The following EPHA3 variants were observed in gnomAD, a reference collection of about 807,000 sequenced individuals.
EPHA3 encodes the protein EPH receptor A3, also known as ephrin type-A receptor 3.
In EPHA3, 42 loss-of-function variants were observed where a neutral mutation model predicts 107.1. The ratio of observed to expected loss-of-function variants is 0.39; its 90% confidence interval spans 0.31 to 0.51. The LOEUF (loss-of-function observed/expected upper bound fraction) is 0.51, where lower values mean the gene tolerates loss of function less well. EPHA3 is among the 20% of genes least tolerant of loss of function. EPHA3 has a pLI of 0.78. For synonymous variants in EPHA3, 461 were observed against 424.8 expected (o/e 1.09, Z -1.05); for missense variants, 1,183 against 1,211.2 (o/e 0.98, Z 0.35).
intron 3 of EPHA3, among the ~76,000 whole-genome samples, chr3:89,326,184 C>A (rs1315711021): frequency 6.6e-6 from 1 of 151,660 alleles, no homozygotes; most frequent in Non-Finnish European, 1.5e-5. Flanking sequence ...TTCCAGGACC[C>A]CTGAGGATAC....
chr3:89,388,770 T>C (rs544150651), intron 5 of EPHA3, among the ~76,000 whole-genome samples: 1 of 152,194 alleles, frequency 6.6e-6, no homozygotes, highest in African/African-American at 2.4e-5. Flanking sequence ...TCTGCTATCA[T>C]CTTCTTAAAA....
intron 5 of EPHA3, among the ~76,000 whole-genome samples, chr3:89,371,379 C>T (rs535442134): frequency 4.6e-5 from 7 of 151,690 alleles, no homozygotes; most frequent in Non-Finnish European, 7.4e-5. Context: ...TAACTATCGT[C>T]GACATTTTGG....
intron 13 of EPHA3, among the ~76,000 whole-genome samples, chr3:89,447,647 T>G (rs1709902109): frequency 6.6e-6 from 1 of 152,220 alleles, no homozygotes; most frequent in African/African-American, 2.4e-5. Flanking sequence ...TTTTCTCCTC[T>G]GTGCTTTGAT....
intron 3 of EPHA3, among the ~76,000 whole-genome samples, chr3:89,260,584 A>T (rs1256969814): frequency 6.6e-6 from 1 of 152,102 alleles, no homozygotes. Context: ...TTTGGATATT[A>T]ACCCCTTATC....
chr3:89,261,743 T>C (rs1169486564), intron 3 of EPHA3, among the ~76,000 whole-genome samples: 2 of 152,082 alleles, frequency 1.3e-5, no homozygotes, highest in Non-Finnish European at 2.9e-5. Flanking sequence ...TCTAGTATAT[T>C]GTCCTTAACA....
chr3:89,332,074 C>T (rs1322220223), intron 3 of EPHA3, among the ~76,000 whole-genome samples: 9 of 152,154 alleles, frequency 5.9e-5, no homozygotes, highest in East Asian at 3.9e-4. Context: ...ATCCCATTCT[C>T]GCTCTGGCCC....
chr3:89,440,194 A>G (rs1270717348), intron 13 of EPHA3, among the ~76,000 whole-genome samples: 1 of 152,186 alleles, frequency 6.6e-6, no homozygotes, highest in Admixed American at 6.5e-5. Flanking sequence ...TTAGTCCTTG[A>G]CAATACATAG....
chr3:89,205,531 A>G (rs1375044660), intron 2 of EPHA3, among the ~76,000 whole-genome samples: 2 of 152,176 alleles, frequency 1.3e-5, no homozygotes, highest in African/African-American at 2.4e-5. Flanking sequence ...ACTTGAAATG[A>G]TCCAGAGAAA....
chr3:89,358,797 A>T (rs2107454670), intron 5 of EPHA3, among the ~76,000 whole-genome samples: 1 of 151,428 alleles, frequency 6.6e-6, no homozygotes, highest in South Asian at 2.1e-4. Context: ...GCTGTCCCAA[A>T]GTTTTTCACT....
chr3:89,359,598 A>C (rs2107455659), intron 5 of EPHA3, among the ~76,000 whole-genome samples: 1 of 149,888 alleles, frequency 6.7e-6, no homozygotes, highest in Non-Finnish European at 1.5e-5. Context: ...AAATTGTGAT[A>C]CATTTTCAGA....
chr3:89,251,410 G>A (rs1049343797), intron 3 of EPHA3, among the ~76,000 whole-genome samples: 4 of 151,862 alleles, frequency 2.6e-5, no homozygotes, highest in African/African-American at 9.7e-5. Flanking sequence ...ACAATTCTGG[G>A]CCAAATAAAT....
chr3:89,260,788 T>G (rs1230061604), intron 3 of EPHA3, among the ~76,000 whole-genome samples: 1 of 152,218 alleles, frequency 6.6e-6, no homozygotes, highest in African/African-American at 2.4e-5. Context: ...CTTTGCCTTT[T>G]GTTTTGCACA....
intron 7 of EPHA3, among the ~76,000 whole-genome samples, chr3:89,403,689 A>C (rs906431855): frequency 1.3e-5 from 2 of 152,204 alleles, no homozygotes; most frequent in Non-Finnish European, 2.9e-5. Flanking sequence ...CTTTGTGCAC[A>C]AGAAAATCAG....
chr3:89,417,715 C>A (rs1449175835), intron 10 of EPHA3, among the ~76,000 whole-genome samples: 2 of 151,384 alleles, frequency 1.3e-5, no homozygotes, highest in East Asian at 3.9e-4. Context: ...CTGTAGATAT[C>A]ATTATCTTCT....
At chr3:89,248,178 C>T (rs1705079987) in intron 3 of EPHA3, among the ~76,000 whole-genome samples, 5 of 152,262 alleles carry the variant, frequency 3.3e-5, no homozygotes, top group Admixed American at 1.3e-4. Context: ...CACTTTTTCA[C>T]CATGAAATCC....
intron 5 of EPHA3, among the ~76,000 whole-genome samples, chr3:89,390,071 A>G (rs1484890280): frequency 6.6e-6 from 1 of 152,052 alleles, no homozygotes; most frequent in Non-Finnish European, 1.5e-5. Context: ...GGCTCATTGT[A>G]ACCTCCACCT....
At chr3:89,352,674 C>T (rs1269191572) in intron 5 of EPHA3, among the ~76,000 whole-genome samples, 16 of 150,598 alleles carry the variant, frequency 1.1e-4, no homozygotes, top group South Asian at 6.3e-4. Context: ...GAGGCCGAAG[C>T]GGGTGGATCA....
Position 89,221,099 on chromosome 3 carries a change from C to T in EPHA3, c.814+10579C>T, listed in dbSNP as rs191571333. ...AGTGGAACAGATCGCTTGTGTGGGA[C>T]CACTGTTTCCTATGCTTCCTGGCAG... On this transcript the variant is annotated intron_variant, in intron 3 of 16. Coordinates refer to ENST00000336596, the MANE Select transcript of EPHA3 (RefSeq NM_005233.6). Among the ~76,000 whole-genome samples, 18 of 152,260 alleles carry T rather than the reference C, an allele frequency of 1.2e-4. No individual in the cohort carries two copies. The East Asian group carries it at 3.5e-3, about 29-fold the overall frequency.
Position 89,309,672 on chromosome 3 carries a change from T to C in EPHA3, c.815-31244T>C, listed in dbSNP as rs142455441. On this transcript the variant is annotated intron_variant, in intron 3 of 16. Coordinates refer to ENST00000336596, the MANE Select transcript of EPHA3 (RefSeq NM_005233.6). ...CTGTTGTTATTATTATTCTAATTCA[T>C]TTATTTGATAGGCTTCAAATAGAAA... 4.7e-3 allele frequency among the ~76,000 whole-genome samples: 709 copies of C among 152,278 alleles called. 5 individuals are homozygous for C. The highest frequency in any genetic ancestry group is 0.016 in the African/African-American group (677 of 41,568).
Sources: allele counts gnomAD v4.1 joint callset (sites outside exome capture counted in the v4.1 genomes callset), GRCh38; gene constraint gnomAD v4.1.1; transcripts MANE v1.5; gene names NCBI Gene and HGNC (gene_info 2026-07-23, HGNC 2026-07-21).